RSF1: variants seen among roughly 807,000 people sequenced by gnomAD.
The protein encoded by RSF1 is HBV pX-associated protein 8.
A neutral mutation model predicts 145.2 loss-of-function variants in RSF1; 13 were observed. That is an observed-to-expected ratio of 0.09 (90% CI 0.06 to 0.14). The LOEUF is 0.14. RSF1 is among the 10% of genes least tolerant of loss of function. RSF1 has a pLI of 1.00. For synonymous variants in RSF1, 577 were observed against 592.6 expected, an observed-to-expected ratio of 0.97 and a Z score of 0.38; for missense variants, 1,517 against 1,718.2, an observed-to-expected ratio of 0.88 and a Z score of 2.07.
chr11:77,752,747 T>C (rs796628769), intron 2 of RSF1, among the ~76,000 whole-genome samples: 2 of 152,176 alleles, frequency 1.3e-5, no homozygotes, highest in African/African-American at 4.8e-5. Context: ...AGGGGCTGAG[T>C]AACATAAGAC....
At chr11:77,854,312 A>G in the RSF1 span, among the ~76,000 whole-genome samples, 1 of 152,080 alleles carries the variant, frequency 6.6e-6, no homozygotes, top group Admixed American at 6.5e-5. Context: ...TTCTTAACAC[A>G]TTCCAGCATT....
chr11:77,672,071 T>A lies in RSF1; in HGVS notation c.3722A>T (p.Lys1241Met). The A allele has an allele frequency of 6.2e-7, 1 of 1,613,756 alleles. No homozygotes were observed. The highest frequency in any genetic ancestry group is 8.5e-7 in the Non-Finnish European group (1 of 1,179,940). ...RRGKEIRRVH[K>M]RRLSSSESEE... The stretch of plus-strand genomic sequence containing the variant: ...ACTCTCTGAGCTGGAAAGTCTTCGC[T>A]TGTGTACTCGCCTTATTTCTTTACC... The change falls in exon 15 of 16, where the codon AAG becomes ATG. Residue 1241 changes from lysine to methionine, a missense_variant. By Grantham distance (95) the Lys-to-Met change is moderately conservative. Around this residue, in one of 12 missense-constraint regions of RSF1, gnomAD observed 240 missense variants for 231.8 expected, o/e 1.04. Coordinates refer to ENST00000308488, the MANE Select transcript of RSF1 (RefSeq NM_016578.4).
chr11:77,869,358 G>C, the RSF1 span, among the ~76,000 whole-genome samples: 1 of 141,212 alleles, frequency 7.1e-6, no homozygotes, highest in Non-Finnish European at 1.5e-5. Context: ...TGTTGCCCAG[G>C]ATGGAGTGCA....
At chr11:77,793,278 G>A (rs539876386) in intron 1 of RSF1, among the ~76,000 whole-genome samples, 56 of 152,158 alleles carry the variant, frequency 3.7e-4, no homozygotes, top group African/African-American at 1.3e-3. Flanking sequence ...TCAGGAGTTC[G>A]AAACCAGCCT....
intron 1 of RSF1, among the ~76,000 whole-genome samples, chr11:77,814,296 A>G (rs1948761115): frequency 6.6e-6 from 1 of 152,026 alleles, no homozygotes; most frequent in African/African-American, 2.4e-5. Context: ...CCAGGAGTTC[A>G]AGACCAGCCT....
intron 1 of RSF1, among the ~76,000 whole-genome samples, chr11:77,792,274 T>A (rs1948525282): frequency 6.6e-6 from 1 of 151,914 alleles, no homozygotes. Context: ...TTCAATTACC[T>A]CCCACCAAGT....
At chr11:77,862,989 C>T in the RSF1 span, among the ~76,000 whole-genome samples, 3 of 152,060 alleles carry the variant, frequency 2.0e-5, no homozygotes, top group Admixed American at 6.6e-5. Context: ...CCAAATGTTA[C>T]CGGGGGGTCC....
chr11:77,787,689 T>C (rs1477663946), intron 1 of RSF1, among the ~76,000 whole-genome samples: 2 of 152,180 alleles, frequency 1.3e-5, no homozygotes, highest in African/African-American at 2.4e-5. Flanking sequence ...AATCAATCTC[T>C]TTCCAATCAA....
chr11:77,729,894 G>C (rs1170041563), intron 4 of RSF1, among the ~76,000 whole-genome samples: 11 of 11,798 alleles, frequency 9.3e-4, no homozygotes, highest in African/African-American at 5.1e-3. Flanking sequence ...TATTCAGTAG[G>C]CAAAAAAAAA....
chr11:77,787,393 G>C (rs762132044), intron 1 of RSF1, among the ~76,000 whole-genome samples: 1 of 151,940 alleles, frequency 6.6e-6, no homozygotes, highest in Non-Finnish European at 1.5e-5. Context: ...GTAAAAAAAA[G>C]AACATTTCAT....
rs556516259 is a variant in RSF1 at position 77,684,098 on chromosome 11, C to T, written c.2956-279G>A. 6.6e-5 allele frequency among the ~76,000 whole-genome samples: 10 copies of T among 152,230 alleles called. No homozygotes were observed. In the South Asian group the frequency reaches 2.1e-3, roughly 32 times the overall value. ...TTAAAACAGTCATGATGAAGTTTTT[C>T]CATTGATAAATAATTTAATTTGCAA... On this transcript the variant is annotated intron_variant, in intron 10 of 15. Coordinates refer to ENST00000308488, the MANE Select transcript of RSF1 (RefSeq NM_016578.4).
intron 1 of RSF1, among the ~76,000 whole-genome samples, chr11:77,793,491 A>C (rs553790136): frequency 4.6e-5 from 7 of 152,322 alleles, no homozygotes; most frequent in South Asian, 2.1e-4. Context: ...CTCAAAAAAA[A>C]AGAAAAAACA....
intron 5 of RSF1, among the ~76,000 whole-genome samples, chr11:77,714,307 T>C (rs1960755316): frequency 6.6e-6 from 1 of 152,190 alleles, no homozygotes; most frequent in Admixed American, 6.5e-5. Context: ...TATACGTTTT[T>C]GTTGTTACCA....
chr11:77,764,647 T>C lies in RSF1; in HGVS notation c.230A>G (p.Lys77Arg). ...GTCTGCAGTAACAGATTTGCCAATT[T>C]TCCTCATCAGCTTCAAATGGAGCTC... ...LVELHLKLMRKIGKSVTADRW... is the reference protein window; with the variant it reads ...LVELHLKLMRRIGKSVTADRW... Residue 77 changes from lysine to arginine, a missense_variant, in exon 2 of 16, where the codon AAA becomes AGA. By Grantham distance (26) the Lys-to-Arg change is conservative. Coordinates refer to ENST00000308488, the MANE Select transcript of RSF1 (RefSeq NM_016578.4). 6.2e-7 allele frequency: 1 copy of C among 1,610,134 alleles called. No homozygotes were observed. Among genetic ancestry groups the C allele is most frequent in the Non-Finnish European group, 8.5e-7 (1 of 1,177,938 alleles).
intron 2 of RSF1, among the ~76,000 whole-genome samples, chr11:77,752,285 T>C (rs1301641597): frequency 6.6e-6 from 1 of 152,218 alleles, no homozygotes; most frequent in African/African-American, 2.4e-5. Context: ...GGGCCAGGCA[T>C]GTCCACCATG....
chr11:77,667,539 G>A lies in RSF1; in HGVS notation c.3752-48C>T, dbSNP rs766171898. 2.3e-5 allele frequency: 34 copies of A among 1,500,016 alleles called. 1 individual carries two copies. Among genetic ancestry groups the A allele is most frequent in the East Asian group, 4.5e-5 (2 of 43,966 alleles). The allele number at this position is 1,500,016 out of a possible 1,614,324, so 92.9% of individuals were successfully genotyped here. The stretch of plus-strand genomic sequence containing the variant: ...GCCATTGGCACGGTTAACCATAAAC[G>A]AATTTAATTCTCCTTTTCCTCCCGA... On this transcript the variant is annotated intron_variant, in intron 15 of 15. Coordinates refer to ENST00000308488, the MANE Select transcript of RSF1 (RefSeq NM_016578.4).
chr11:77,708,113 T>C (rs1436825977), intron 5 of RSF1, among the ~76,000 whole-genome samples: 2 of 152,166 alleles, frequency 1.3e-5, no homozygotes, highest in African/African-American at 4.8e-5. Context: ...CAGAATCAGA[T>C]CTGCACTTCA....
intron 5 of RSF1, among the ~76,000 whole-genome samples, chr11:77,717,544 T>C (rs990950398): frequency 2.6e-5 from 4 of 152,220 alleles, no homozygotes; most frequent in African/African-American, 9.6e-5. Context: ...TGTAGTAGTT[T>C]TGCGAATCTG....
intron 12 of RSF1, among the ~76,000 whole-genome samples, chr11:77,677,272 G>A (rs1314866416): frequency 6.6e-6 from 1 of 152,086 alleles, no homozygotes; most frequent in East Asian, 1.9e-4. Context: ...CCCTCTTAAA[G>A]TGTACAATTC....
Sources: allele counts gnomAD v4.1 joint callset (sites outside exome capture counted in the v4.1 genomes callset), GRCh38; gene constraint gnomAD v4.1.1; regional missense constraint gnomAD v4.1.1; transcripts MANE v1.5; gene names NCBI Gene and HGNC (gene_info 2026-07-23, HGNC 2026-07-21).